NAALADL2: variants seen among roughly 807,000 people sequenced by gnomAD.
NAALADL2 encodes N-acetylated alpha-linked acidic dipeptidase like 2, also known as inactive N-acetylated-alpha-linked acidic dipeptidase-like protein 2.
A neutral mutation model predicts 87.2 loss-of-function variants in NAALADL2; 76 were observed. The observed-to-expected ratio is 0.87, with a 90% CI of 0.72 to 1.05. The LOEUF is 1.05. Ranked by LOEUF, NAALADL2 falls within the 50% of genes least tolerant of loss-of-function variation. The pLI is 0.00. For synonymous variants in NAALADL2, 354 were observed against 331.0 expected (o/e 1.07, Z -0.75); for missense variants, 1,089 against 945.8 (o/e 1.15, Z -1.99).
chr3:175,401,495 A>G (rs1051519046), intron 5 of NAALADL2, among the ~76,000 whole-genome samples: 1 of 152,154 alleles, frequency 6.6e-6, no homozygotes, highest in Admixed American at 6.6e-5. Flanking sequence ...TCCTTAGGCA[A>G]TTTAGTCATT....
intron 13 of NAALADL2, among the ~76,000 whole-genome samples, chr3:175,755,780 A>T (rs757482953): frequency 2.0e-5 from 3 of 150,520 alleles, no homozygotes; most frequent in Non-Finnish European, 4.4e-5. Flanking sequence ...TCCTGCAAAG[A>T]TCCCATCTAG....
intron 2 of NAALADL2, among the ~76,000 whole-genome samples, chr3:174,654,375 T>G (rs1444746774): frequency 6.6e-6 from 1 of 152,166 alleles, no homozygotes; most frequent in East Asian, 1.9e-4. Context: ...ATCATAATAA[T>G]GAAATCAATG....
chr3:175,132,409 C>G (rs1257050637), intron 2 of NAALADL2, among the ~76,000 whole-genome samples: 2 of 65,312 alleles, frequency 3.1e-5, no homozygotes, highest in Admixed American at 1.4e-4. Flanking sequence ...CCCTCACCTC[C>G]CCGACGGGTC....
Position 174,686,061 on chromosome 3 carries a change from G to A in NAALADL2, c.-114-51580G>A, listed in dbSNP as rs144772756. Among the ~76,000 whole-genome samples the A allele has an allele frequency of 4.0e-4, 61 of 151,776 alleles. 1 individual carries two copies. In the East Asian group the frequency reaches 7.4e-3, roughly 18 times the overall value. On this transcript the variant is annotated intron_variant, in intron 2 of 3. Transcript: ENST00000434257. ...ATATGTGCCATATTTTCTTTATCCC[G>A]TCTGTCATTGATGGGCATTTAGGTT...
intron 1 of NAALADL2, chr3:174,536,472 A>G (rs1399613266): frequency 6.6e-6 from 1 of 152,082 alleles, no homozygotes; most frequent in African/African-American, 2.4e-5. Flanking sequence ...CACCTCCCCT[A>G]TTCTGTAAGA....
chr3:175,672,509 T>C (rs1734138818), intron 11 of NAALADL2, among the ~76,000 whole-genome samples: 1 of 152,164 alleles, frequency 6.6e-6, no homozygotes, highest in Non-Finnish European at 1.5e-5. Flanking sequence ...GTTTGGTTTG[T>C]TTTTGTTATT....
intron 3 of NAALADL2, among the ~76,000 whole-genome samples, chr3:174,806,322 G>C (rs1027020379): frequency 1.3e-5 from 2 of 152,214 alleles, no homozygotes; most frequent in Non-Finnish European, 2.9e-5. Flanking sequence ...TCTGGAGCTA[G>C]AATGGCACTT....
intron 1 of NAALADL2, among the ~76,000 whole-genome samples, chr3:174,533,408 C>G (rs1721426418): frequency 6.6e-6 from 1 of 152,124 alleles, no homozygotes; most frequent in African/African-American, 2.4e-5. Context: ...CCTGTTTTCT[C>G]TTCTCTGTTA....
intron 3 of NAALADL2, among the ~76,000 whole-genome samples, chr3:174,800,894 G>A (rs1000790286): frequency 2.0e-5 from 3 of 152,168 alleles, no homozygotes; most frequent in African/African-American, 7.2e-5. Flanking sequence ...GCTGGATTAT[G>A]GACTTGCATG....
chr3:175,232,193 G>GAAGAAGAAGAAGAAC (rs1261409389), intron 2 of NAALADL2, among the ~76,000 whole-genome samples: 2 of 96,388 alleles, frequency 2.1e-5, no homozygotes, highest in Non-Finnish European at 4.4e-5. Context: ...AGAGGAAGAG[G>GAAGAAGAAGAAGAAC]AAGAAGAAGA....
intron 2 of NAALADL2, among the ~76,000 whole-genome samples, chr3:174,709,521 C>A (rs892142748): frequency 6.6e-6 from 1 of 152,004 alleles, no homozygotes; most frequent in Non-Finnish European, 1.5e-5. Context: ...TTAATATTAT[C>A]AAAATTTGTA....
At chr3:174,474,701 C>T (rs2108317161) in intron 1 of NAALADL2, among the ~76,000 whole-genome samples, 1 of 152,166 alleles carries the variant, frequency 6.6e-6, no homozygotes, top group South Asian at 2.1e-4. Context: ...TCTCATGGGG[C>T]TTTCTGTTAG....
At chr3:175,136,177 G>C (rs1580645499) in intron 2 of NAALADL2, among the ~76,000 whole-genome samples, 2 of 152,154 alleles carry the variant, frequency 1.3e-5, no homozygotes, top group African/African-American at 4.8e-5. Context: ...AATGATGAAG[G>C]AGACATCATT....
In NAALADL2 at chr3:175,014,730, T is replaced by A. The variant is rs538575502; in HGVS notation, c.44-82060T>A. Among the ~76,000 whole-genome samples, 85 of 152,254 alleles carry A rather than the reference T, an allele frequency of 5.6e-4. 1 individual carries two copies. Among genetic ancestry groups the A allele is most frequent in the African/African-American group, 1.8e-3 (74 of 41,568 alleles). ...GTATTTTACAGGATTACAAAATTAT[T>A]TCTGCATCCCAAACACTATCTAATT... On this transcript the variant is annotated intron_variant, in intron 1 of 13. Coordinates refer to ENST00000454872, the MANE Select transcript of NAALADL2 (RefSeq NM_207015.3).
chr3:175,552,036 C>T (rs1418442258), intron 9 of NAALADL2, among the ~76,000 whole-genome samples: 1 of 151,260 alleles, frequency 6.6e-6, no homozygotes, highest in South Asian at 2.1e-4. Flanking sequence ...TTTATATTAT[C>T]TAATTTCTTG....
intron 5 of NAALADL2, among the ~76,000 whole-genome samples, chr3:175,367,423 G>C (rs1252288797): frequency 6.6e-6 from 1 of 151,838 alleles, no homozygotes; most frequent in Non-Finnish European, 1.5e-5. Flanking sequence ...GATGGGGATG[G>C]CATTGAATCT....
intron 2 of NAALADL2, among the ~76,000 whole-genome samples, chr3:174,643,687 G>A (rs1258686652): frequency 6.6e-6 from 1 of 152,066 alleles, no homozygotes; most frequent in Non-Finnish European, 1.5e-5. Flanking sequence ...TAATTTCCTT[G>A]CTTGTACATT....
intron 5 of NAALADL2, among the ~76,000 whole-genome samples, chr3:175,393,926 C>A (rs1560482376): frequency 6.6e-6 from 1 of 152,184 alleles, no homozygotes; most frequent in African/African-American, 2.4e-5. Context: ...TGCTTTTAAT[C>A]TTTCATGATC....
At chr3:175,588,504 T>TTA (rs1720870824) in intron 10 of NAALADL2, among the ~76,000 whole-genome samples, 1 of 150,420 alleles carries the variant, frequency 6.6e-6, no homozygotes, top group Non-Finnish European at 1.5e-5. Flanking sequence ...AAGAAAGAGC[T>TTA]CAATTTAGGA....
Sources: gnomAD v4.1 joint callset for allele counts (sites outside exome capture counted in the v4.1 genomes callset) on GRCh38, gnomAD v4.1.1 for gene constraint, MANE v1.5 for transcripts, NCBI Gene and HGNC (gene_info 2026-07-23, HGNC 2026-07-21) for gene names.